The following GRM6 variants were observed in gnomAD, a reference collection of about 807,000 sequenced individuals.
GRM6 encodes metabotropic glutamate receptor 6.
GRM6 carries 73 observed loss-of-function variants against 78.4 expected under a neutral mutation model. The ratio of observed to expected loss-of-function variants is 0.93; its 90% CI spans 0.77 to 1.13. GRM6 has a LOEUF of 1.13. Among genes scored for constraint, GRM6 ranks in the 50% most tolerant of loss-of-function variants. GRM6 has a pLI of 0.00. For missense variants in GRM6, 1,251 were observed against 1,256.4 expected (o/e 1.00, Z 0.07); for synonymous variants, 580 against 555.0 (o/e 1.05, Z -0.63).
rs560927778 is a variant in GRM6 at position 178,979,293 on chromosome 5, A to T, written c.*2364T>A. ...GATCACAGGCAGAAACTGTATGCAC[A>T]CACCGAGTGTGGAAAAGCCCTCTTG... is the stretch of plus-strand genomic sequence containing the variant. On this transcript the variant is annotated 3_prime_UTR_variant, in exon 11 of 11. Transcript: ENST00000517717. The T allele has an allele frequency of 6.6e-6, 1 of 152,368 alleles. No homozygotes were observed. Among genetic ancestry groups the T allele is most frequent in the Admixed American group, 6.5e-5 (1 of 15,306 alleles). 9.4% of individuals were successfully genotyped at this position (152,368 alleles called of 1,614,324 possible). A position where few individuals can be genotyped will look rare whatever the true frequency, so the allele number is the denominator to read the frequency against.
chr5:178,987,442 A>G (rs1235105439), intron 7 of GRM6: 1 of 457,716 alleles, frequency 2.2e-6, no homozygotes, highest in Non-Finnish European at 4.4e-6. Context: ...GACGAACACG[A>G]CGGGGCCATT....
chr5:178,994,125 G>A (rs1258196256), intron 2 of GRM6, among the ~76,000 whole-genome samples: 1 of 152,172 alleles, frequency 6.6e-6, no homozygotes. Flanking sequence ...CCAGAACAAG[G>A]GCACCCGAGC....
chr5:178,994,615 CA>C lies in GRM6; in HGVS notation c.329del (p.Leu110ArgfsTer7). ...SRDTYALEQA[L>X]SFVQALIRGR... ...CGCGGATCAGCGCCTGCACGAAGCT[CA>C]GCGCCTGCTCCAGCGCGTAGGTGTC... is the stretch of plus-strand genomic sequence containing the variant. On this transcript the variant is annotated frameshift_variant, in exon 2 of 11. Coordinates refer to ENST00000517717, the MANE Select transcript of GRM6 (RefSeq NM_000843.4). LOFTEE classifies it high-confidence loss of function. 3 of 1,442,398 alleles carry C rather than the reference CA, an allele frequency of 2.1e-6. No homozygotes were observed. Among genetic ancestry groups the C allele is most frequent in the Non-Finnish European group, 2.7e-6 (3 of 1,099,026 alleles). The allele number at this position is 1,442,398 out of a possible 1,614,324, so 89.3% of individuals were successfully genotyped here. A position where few individuals can be genotyped will look rare whatever the true frequency, so the allele number is the denominator to read the frequency against.
chr5:178,985,712 A>AC, intron 9 of GRM6: 1 of 414,598 alleles, frequency 2.4e-6, no homozygotes. Context: ...AAAAAAAAAA[A>AC]AACAAAACAA....
Position 178,990,741 on chromosome 5 carries a change from A to T in GRM6, c.863T>A (p.Val288Asp). 6.4e-7 allele frequency: 1 copy of T among 1,566,132 alleles called. No individual in the cohort carries two copies. The highest frequency in any genetic ancestry group is 2.4e-5 in the East Asian group (1 of 42,158). Residue 288 changes from valine (V) to aspartate (D), a missense_variant, in exon 5 of 11, where the codon GTC becomes GAC. Coordinates refer to ENST00000517717, the MANE Select transcript of GRM6 (RefSeq NM_000843.4). Reference protein sequence around the residue: ...IFANEDDIRRVLEAARQANLT... With the variant: ...IFANEDDIRRDLEAARQANLT... ...GTTGGCCTGGCGAGCTGCCTCCAGG[A>T]CCCGCCTGGTAGGAGCAGGGCTGGG... is the stretch of plus-strand genomic sequence containing the variant.
At position 178,991,097 on chromosome 5, in the gene GRM6, G is replaced by A. The variant is rs963254984; in HGVS notation, c.857+327C>T. Among the ~76,000 whole-genome samples the A allele has an allele frequency of 6.6e-6, 1 of 152,216 alleles. No individual in the cohort carries two copies. Among genetic ancestry groups the A allele is most frequent in the East Asian group, 1.9e-4 (1 of 5,158 alleles). On this transcript the variant is annotated intron_variant, in intron 4 of 10. Coordinates refer to ENST00000517717, the MANE Select transcript of GRM6 (RefSeq NM_000843.4). The surrounding 1 kb of genome is among the most constrained non-coding windows in gnomAD (Gnocchi z 5.0). ...GCCGGTGGGTCTCGGGCTGGGGTCC[G>A]CAGCCTCTGTATGGACCCTGGGCTC...
At chr5:178,984,051 G>A (rs568955868) in intron 9 of GRM6, among the ~76,000 whole-genome samples, 1 of 152,302 alleles carries the variant, frequency 6.6e-6, no homozygotes, top group South Asian at 2.1e-4. Flanking sequence ...GCAGCTTTTT[G>A]TGCTTCTCCC....
rs1424058135 is a variant in GRM6 at position 178,991,690 on chromosome 5, A to C, written c.722-131T>G. Reference sequence around the variant, plus strand: ...TGAAGTCTGGCCTGCACCCTCCGCCAAGCCTGAGGCAGGGCTGAGTCGTCC... The same window carrying C: ...TGAAGTCTGGCCTGCACCCTCCGCCCAGCCTGAGGCAGGGCTGAGTCGTCC... On this transcript the variant is annotated intron_variant, in intron 3 of 10. Transcript: ENST00000517717. The surrounding 1 kb of genome is among the most constrained non-coding windows in gnomAD (Gnocchi z 5.0). 1 of 1,195,844 alleles carries C rather than the reference A, an allele frequency of 8.4e-7. No homozygotes were observed. Among genetic ancestry groups the C allele is most frequent in the Non-Finnish European group, 1.2e-6 (1 of 825,110 alleles). 74.1% of individuals were successfully genotyped at this position (1,195,844 alleles called of 1,614,324 possible). A position where few individuals can be genotyped will look rare whatever the true frequency, so the allele number is the denominator to read the frequency against.
At position 178,991,813 on chromosome 5, in the gene GRM6, G is replaced by A; in HGVS notation, c.721+54C>T. ...TCTTTCTGCTTCTGCCCCAACTGAG[G>A]GCCCCGGGCCCACACTATGTAGACT... is the stretch of plus-strand genomic sequence containing the variant. On this transcript the variant is annotated intron_variant, in intron 3 of 10. Coordinates refer to ENST00000517717, the MANE Select transcript of GRM6 (RefSeq NM_000843.4). The surrounding 1 kb of genome is among the most constrained non-coding windows in gnomAD (Gnocchi z 5.0). 1 of 1,474,240 alleles carries A rather than the reference G, an allele frequency of 6.8e-7. No individual in the cohort carries two copies. Among genetic ancestry groups the A allele is most frequent in the Non-Finnish European group, 9.4e-7 (1 of 1,058,834 alleles). The allele number at this position is 1,474,240 out of a possible 1,614,324, so 91.3% of individuals were successfully genotyped here. A position where few individuals can be genotyped will look rare whatever the true frequency, so the allele number is the denominator to read the frequency against.
At position 178,979,505 on chromosome 5, in the gene GRM6, G is replaced by C. The variant is rs1375311081; in HGVS notation, c.*2152C>G. On this transcript the variant is annotated 3_prime_UTR_variant, in exon 11 of 11. Coordinates refer to ENST00000517717, the MANE Select transcript of GRM6 (RefSeq NM_000843.4). ...CACAGGAGTACATGGGCCTCGCGGT[G>C]CATCAGAGTTCCTGCCAGAGAGGCC... is the stretch of plus-strand genomic sequence containing the variant. The C allele has an allele frequency of 6.6e-6, 1 of 152,250 alleles. No individual in the cohort carries two copies. Among genetic ancestry groups the C allele is most frequent in the Non-Finnish European group, 1.5e-5 (1 of 68,064 alleles). The allele number at this position is 152,250 out of a possible 1,614,324, so 9.4% of individuals were successfully genotyped here. A position where few individuals can be genotyped will look rare whatever the true frequency, so the allele number is the denominator to read the frequency against.
chr5:178,994,172 C>T (rs1760731082), intron 2 of GRM6, among the ~76,000 whole-genome samples: 1 of 152,214 alleles, frequency 6.6e-6, no homozygotes, highest in Non-Finnish European at 1.5e-5. Flanking sequence ...GGCCGCCCTC[C>T]CCAGCCAACC....
chr5:178,990,561 G>A (rs1369776453), intron 5 of GRM6, 31 bp downstream of exon 5: 90 of 1,583,150 alleles, frequency 5.7e-5, no homozygotes, highest in Non-Finnish European at 7.5e-5. Flanking sequence ...GGAGACGTGT[G>A]GGGTGGGGGA....
rs143550534 is a variant in GRM6, at chr5:178,983,297, C to T, written c.2125-76G>A. On this transcript the variant is annotated intron_variant, in intron 9 of 10. Transcript: ENST00000517717. ...ATTCCAGCCCTGACAGAGGCCCCTG[C>T]GGGTCAGGATCCCCTTGAGGCTCTG... The T allele has an allele frequency of 1.5e-3, 1,882 of 1,293,124 alleles. 21 individuals carry two copies. In the African/African-American group the frequency reaches 0.023, roughly 15 times the overall value. The allele number at this position is 1,293,124 out of a possible 1,614,324, so 80.1% of individuals were successfully genotyped here.
rs1336543142 is a variant in GRM6 at position 178,981,306 on chromosome 5, G to C, written c.*351C>G. 3.6e-6 allele frequency: 1 copy of C among 280,022 alleles called. No individual in the cohort carries two copies. Among genetic ancestry groups the C allele is most frequent in the East Asian group, 8.6e-5 (1 of 11,578 alleles). 17.3% of individuals were successfully genotyped at this position (280,022 alleles called of 1,614,324 possible). A position where few individuals can be genotyped will look rare whatever the true frequency, so the allele number is the denominator to read the frequency against. ...CCAGGTTATGGGGGTTGACTGAGGG[G>C]AGGAAATCTCCCGCAAACCAGGCAA... On this transcript the variant is annotated 3_prime_UTR_variant, in exon 11 of 11. Coordinates refer to ENST00000517717, the MANE Select transcript of GRM6 (RefSeq NM_000843.4). The surrounding 1 kb of genome is among the most constrained non-coding windows in gnomAD (Gnocchi z 5.1).
rs546009286 is a variant in GRM6 at position 178,987,144 on chromosome 5, T to C, written c.1355-161A>G. 45 of 757,274 alleles carry C rather than the reference T, an allele frequency of 5.9e-5. No individual in the cohort carries two copies. The African/African-American group carries it at 6.7e-4, about 11-fold the overall frequency. The allele number at this position is 757,274 out of a possible 1,614,324, so 46.9% of individuals were successfully genotyped here. ...CCGCAGGGAGATCCCCCTTCACCCA[T>C]TGGGATGGCTTCTAGCCAAGAACCA... On this transcript the variant is annotated intron_variant, in intron 7 of 10. Coordinates refer to ENST00000517717, the MANE Select transcript of GRM6 (RefSeq NM_000843.4).
intron 9 of GRM6, among the ~76,000 whole-genome samples, chr5:178,985,069 C>T (rs915037308): frequency 1.2e-4 from 19 of 152,256 alleles, no homozygotes; most frequent in South Asian, 6.2e-4. Context: ...CAGCACGAAA[C>T]GCTGGCCACT....
At position 178,986,559 on chromosome 5, in the gene GRM6, C is replaced by T. The variant is rs794727907; in HGVS notation, c.1695G>A (p.Thr565=). Reference sequence around the variant, plus strand: ...TGGGGCGGCAGCCCGTGTGGTTGGGCGTGGGCCTCATGTCCCCAGGACAGG... The same window carrying T: ...TGGGGCGGCAGCCCGTGTGGTTGGGTGTGGGCCTCATGTCCCCAGGACAGG... The part of the protein sequence containing the change: ...CEACPGDMRP[T]PNHTGCRPTP... The change falls in exon 9 of 11, where the codon ACG becomes ACA. Residue 565 remains threonine (T), a synonymous_variant. Transcript: ENST00000517717. 1.2e-5 allele frequency: 19 copies of T among 1,607,846 alleles called. No homozygotes were observed. The highest frequency in any genetic ancestry group is 4.5e-5 in the East Asian group (2 of 44,850).
At chr5:178,982,692 T>A (rs1353086920) in intron 10 of GRM6, 24 of 432,646 alleles carry the variant, frequency 5.5e-5, no homozygotes, top group Middle Eastern at 6.2e-4. Flanking sequence ...ATGAAAATGA[T>A]AAAAAAAAAA....
chr5:178,983,441 C>T (rs1760446134), intron 9 of GRM6: 1 of 697,246 alleles, frequency 1.4e-6, no homozygotes. Flanking sequence ...GGCCCGTGAC[C>T]TGGCAGCTGC....
Sources: gnomAD v4.1 joint callset for allele counts (sites outside exome capture counted in the v4.1 genomes callset) on GRCh38, gnomAD v4.1.1 for gene constraint, Gnocchi (gnomAD v3.1) non-coding constraint, MANE v1.5 for transcripts, NCBI Gene and HGNC (gene_info 2026-07-23, HGNC 2026-07-21) for gene names.